The following CTNNA2 variants were observed in gnomAD, a reference collection of about 807,000 sequenced individuals.
CTNNA2 encodes catenin alpha-2.
In CTNNA2, 42 loss-of-function variants were observed where a neutral mutation model predicts 101.0. That is an observed-to-expected ratio of 0.42 (90% CI 0.32 to 0.54). CTNNA2 has a LOEUF of 0.54. CTNNA2 is among the 20% of genes least tolerant of loss of function. CTNNA2 has a pLI of 0.14. For synonymous variants in CTNNA2, 450 were observed against 456.4 expected, an observed-to-expected ratio of 0.99 and a Z score of 0.18; for missense variants, 871 against 1,223.1, an observed-to-expected ratio of 0.71 and a Z score of 4.29.
chr2:80,491,496 C>G (rs938250662), intron 9 of CTNNA2, among the ~76,000 whole-genome samples: 1 of 152,128 alleles, frequency 6.6e-6, no homozygotes, highest in Non-Finnish European at 1.5e-5. Flanking sequence ...AGTTACAATC[C>G]AATGACTTTT....
chr2:80,015,404 C>T (rs1328111722), intron 7 of CTNNA2, among the ~76,000 whole-genome samples: 1 of 152,130 alleles, frequency 6.6e-6, no homozygotes, highest in East Asian at 1.9e-4. Flanking sequence ...TTGCATCAAG[C>T]AATGGAACCA....
At chr2:79,891,984 T>G (rs1255764948) in intron 6 of CTNNA2, among the ~76,000 whole-genome samples, 1 of 152,172 alleles carries the variant, frequency 6.6e-6, no homozygotes, top group Non-Finnish European at 1.5e-5. Context: ...TACAGATATG[T>G]TGCAAATATT....
At chr2:80,151,561 G>T (rs960309710) in intron 7 of CTNNA2, among the ~76,000 whole-genome samples, 4 of 152,278 alleles carry the variant, frequency 2.6e-5, no homozygotes, top group African/African-American at 9.6e-5. Flanking sequence ...GCATCCCCTA[G>T]TGTTTCTAAC....
Position 80,398,725 on chromosome 2 carries a change from G to A in CTNNA2, c.1137+5434G>A, listed in dbSNP as rs184922036. 4.2e-4 allele frequency among the ~76,000 whole-genome samples: 63 copies of A among 149,008 alleles called. No homozygotes were observed. In the East Asian group the frequency reaches 7.6e-3, roughly 18 times the overall value. ...CAAAAAAAAAAAAAAAAATTCACCC[G>A]GCATGGTGGCACGTGCCTGTAATCC... On this transcript the variant is annotated intron_variant, in intron 8 of 18. Coordinates refer to ENST00000402739, the MANE Select transcript of CTNNA2 (RefSeq NM_001282597.3).
chr2:80,577,956 T>A lies in CTNNA2; in HGVS notation c.1893+3642T>A, dbSNP rs149278328. ...TTTCACCGGGACTCATTTGTAAAAT[T>A]TACTCAACAACTCACATGTCCAGGT... On this transcript the variant is annotated intron_variant, in intron 13 of 18. Coordinates refer to ENST00000402739, the MANE Select transcript of CTNNA2 (RefSeq NM_001282597.3). Among the ~76,000 whole-genome samples the A allele has an allele frequency of 1.5e-3, 223 of 152,326 alleles. 1 individual carries two copies. Among genetic ancestry groups the A allele is most frequent in the African/African-American group, 5.0e-3 (208 of 41,574 alleles).
At chr2:80,499,967 T>C (rs908914583) in intron 9 of CTNNA2, among the ~76,000 whole-genome samples, 53 of 150,596 alleles carry the variant, frequency 3.5e-4, no homozygotes, top group African/African-American at 1.2e-3. Flanking sequence ...ATAAAAGGAA[T>C]TCAGCTTTAG....
intron 4 of CTNNA2, among the ~76,000 whole-genome samples, chr2:79,864,111 G>A (rs983864813): frequency 2.0e-5 from 3 of 152,108 alleles, no homozygotes; most frequent in Admixed American, 6.5e-5. Flanking sequence ...ATATTTCAGC[G>A]GCCCATCCAT....
chr2:80,069,704 A>ACG (rs1698204933), intron 7 of CTNNA2, among the ~76,000 whole-genome samples: 1 of 152,142 alleles, frequency 6.6e-6, no homozygotes, highest in African/African-American at 2.4e-5. Flanking sequence ...TAATATATGT[A>ACG]CGTGTGTGTG....
intron 7 of CTNNA2, among the ~76,000 whole-genome samples, chr2:80,275,947 A>G (rs935571291): frequency 2.0e-5 from 3 of 151,984 alleles, no homozygotes; most frequent in African/African-American, 7.3e-5. Flanking sequence ...TGTGAATTTC[A>G]TTAGGAGATT....
At chr2:79,880,236 T>G (rs930614704) in intron 6 of CTNNA2, among the ~76,000 whole-genome samples, 1 of 152,128 alleles carries the variant, frequency 6.6e-6, no homozygotes, top group African/African-American at 2.4e-5. Context: ...TGATTGAGGA[T>G]TTTTGCTTTG....
At chr2:79,550,508 C>T (rs1014823977) in intron 1 of CTNNA2, among the ~76,000 whole-genome samples, 2 of 151,996 alleles carry the variant, frequency 1.3e-5, no homozygotes, top group African/African-American at 4.8e-5. Context: ...TAGCCATAGC[C>T]GAATTGCAAT....
At chr2:79,190,725 G>A (rs963361157) in intron 1 of CTNNA2, among the ~76,000 whole-genome samples, 3 of 152,232 alleles carry the variant, frequency 2.0e-5, no homozygotes, top group Non-Finnish European at 2.9e-5. Context: ...GAGAGCTACC[G>A]ATGAATACCT....
chr2:80,360,211 A>T (rs1196931006), intron 7 of CTNNA2, among the ~76,000 whole-genome samples: 2 of 152,134 alleles, frequency 1.3e-5, no homozygotes, highest in Admixed American at 1.3e-4. Context: ...CCATAAGTTT[A>T]TATATGCTGA....
intron 4 of CTNNA2, among the ~76,000 whole-genome samples, chr2:79,463,056 C>G (rs1441109877): frequency 6.6e-6 from 1 of 152,128 alleles, no homozygotes; most frequent in Non-Finnish European, 1.5e-5. Flanking sequence ...ATTCTATTAA[C>G]TGGTCATATA....
intron 2 of CTNNA2, among the ~76,000 whole-genome samples, chr2:79,219,372 C>T (rs1674312201): frequency 1.3e-5 from 2 of 152,168 alleles, no homozygotes; most frequent in South Asian, 2.1e-4. Flanking sequence ...TATTTCGCAC[C>T]GTCCTATAGA....
At chr2:80,498,425 C>T (rs1487604880) in intron 9 of CTNNA2, among the ~76,000 whole-genome samples, 1 of 152,218 alleles carries the variant, frequency 6.6e-6, no homozygotes, top group Non-Finnish European at 1.5e-5. Flanking sequence ...ATTGCAATCT[C>T]CTATGTATTT....
At chr2:79,752,903 G>A (rs1417587630) in intron 3 of CTNNA2, among the ~76,000 whole-genome samples, 1 of 152,228 alleles carries the variant, frequency 6.6e-6, no homozygotes, top group African/African-American at 2.4e-5. Flanking sequence ...AGGGTTGCAT[G>A]AAGTGATGCA....
intron 3 of CTNNA2, among the ~76,000 whole-genome samples, chr2:79,752,576 A>G (rs1672114876): frequency 6.6e-6 from 1 of 152,224 alleles, no homozygotes; most frequent in Non-Finnish European, 1.5e-5. Flanking sequence ...TCTTTTGGTT[A>G]TCATTGCAAT....
chr2:79,207,798 G>A (rs181479203), intron 2 of CTNNA2, among the ~76,000 whole-genome samples: 6 of 152,284 alleles, frequency 3.9e-5, no homozygotes, highest in Admixed American at 3.9e-4. Flanking sequence ...TGATGGAGGA[G>A]TCCACCAGAA....
Sources: allele counts gnomAD v4.1 joint callset (sites outside exome capture counted in the v4.1 genomes callset), GRCh38; gene constraint gnomAD v4.1.1; transcripts MANE v1.5; gene names NCBI Gene and HGNC (gene_info 2026-07-23, HGNC 2026-07-21).